ZFR2: variants seen among roughly 807,000 people sequenced by gnomAD.
ZFR2 encodes the protein zinc finger RNA-binding protein 2.
A neutral mutation model predicts 105.7 loss-of-function variants in ZFR2; 104 were observed. The observed-to-expected ratio is 0.98, with a 90% CI of 0.84 to 1.16. The LOEUF is 1.16. Ranked by LOEUF, ZFR2 falls within the 50% of genes most tolerant of loss-of-function variation. The pLI is 0.00. For missense variants in ZFR2, 1,425 were observed against 1,355.5 expected, an observed-to-expected ratio of 1.05 and a Z score of -0.80; for synonymous variants, 634 against 597.7, an observed-to-expected ratio of 1.06 and a Z score of -0.89.
At position 3,838,673 on chromosome 19, in the gene ZFR2, C is replaced by T. The variant is rs2038104379; in HGVS notation, c.54-3690G>A. Among the ~76,000 whole-genome samples, 1 of 152,210 alleles carries T rather than the reference C, an allele frequency of 6.6e-6. No homozygotes were observed. Among genetic ancestry groups the T allele is most frequent in the African/African-American group, 2.4e-5 (1 of 41,460 alleles). ...ATCCCCCCGTGTCTATGGCTCCCGT[C>T]CCCGCTGCCTGCAAGTGGCTGCTCA... On this transcript the variant is annotated intron_variant, in intron 1 of 18. Transcript: ENST00000262961. The surrounding 1 kb of genome is among the most constrained non-coding windows in gnomAD (Gnocchi z 4.9).
chr19:3,824,599 G>T (rs2037928898), intron 7 of ZFR2, among the ~76,000 whole-genome samples: 1 of 152,174 alleles, frequency 6.6e-6, no homozygotes, highest in African/African-American at 2.4e-5. Flanking sequence ...TAGGTGCAGG[G>T]TGAGGGCTTC....
chr19:3,817,430 G>A (rs2037837052), intron 12 of ZFR2, among the ~76,000 whole-genome samples: 1 of 151,786 alleles, frequency 6.6e-6, no homozygotes, highest in African/African-American at 2.4e-5. Flanking sequence ...ATGGTGGCGG[G>A]TGCCTGTAAT....
chr19:3,868,625 G>A (rs2038462142), intron 1 of ZFR2, among the ~76,000 whole-genome samples: 1 of 149,124 alleles, frequency 6.7e-6, no homozygotes, highest in Non-Finnish European at 1.5e-5. Flanking sequence ...CCTCCTCGTG[G>A]CGCCCCCATC....
rs1363053262 is a variant in ZFR2 at position 3,834,557 on chromosome 19, A to T, written c.264+216T>A. On this transcript the variant is annotated intron_variant, in intron 2 of 18. Coordinates refer to ENST00000262961, the MANE Select transcript of ZFR2 (RefSeq NM_015174.2). The surrounding 1 kb of genome is among the most constrained non-coding windows in gnomAD (Gnocchi z 5.3). Reference sequence around the variant, plus strand: ...CCACTGCCCCGACGTGGAGGTACGCATGCGGCCTGTCCCCGAGAGCAGTGG... The same window carrying T: ...CCACTGCCCCGACGTGGAGGTACGCTTGCGGCCTGTCCCCGAGAGCAGTGG... Among the ~76,000 whole-genome samples the T allele has an allele frequency of 6.6e-6, 1 of 152,086 alleles. No individual in the cohort carries two copies. Among genetic ancestry groups the T allele is most frequent in the Non-Finnish European group, 1.5e-5 (1 of 67,976 alleles).
Position 3,819,065 on chromosome 19 carries a change from C to A in ZFR2, c.1911G>T (p.Glu637Asp). The change falls in exon 12 of 19, where the codon GAG (glutamate) becomes GAT (aspartate). Residue 637 changes from glutamate to aspartate, a missense_variant. Transcript: ENST00000262961. The stretch of plus-strand genomic sequence containing the variant: ...ATGACCTGCGCTTGTCACCCTCTTC[C>A]TCTCGGCGGCCCCGGTCCTCCTCGG... ...TLAEEDRGRR[E>D]EEGDKRSSVA... 1 of 1,612,530 alleles carries A rather than the reference C, an allele frequency of 6.2e-7. No individual in the cohort carries two copies. Among genetic ancestry groups the A allele is most frequent in the Non-Finnish European group, 8.5e-7 (1 of 1,179,710 alleles).
intron 3 of ZFR2, among the ~76,000 whole-genome samples, 192 bp from the exon 4 acceptor site, chr19:3,832,070 G>A (rs2038023049): frequency 1.3e-5 from 2 of 152,094 alleles, no homozygotes. Context: ...CCAGAGCCCG[G>A]CTTCTCTCTC....
In ZFR2 at chr19:3,838,224, C is replaced by T. The variant is rs566805279; in HGVS notation, c.54-3241G>A. 2.6e-5 allele frequency among the ~76,000 whole-genome samples: 4 copies of T among 152,272 alleles called. No individual in the cohort carries two copies. Among genetic ancestry groups the T allele is most frequent in the Non-Finnish European group, 4.4e-5 (3 of 68,022 alleles). ...TCCCGACAATACATTCGATGAACAC[C>T]GTGACTACTGACATTTGATGAACAC... On this transcript the variant is annotated intron_variant, in intron 1 of 18. Transcript: ENST00000262961. The surrounding 1 kb of genome is among the most constrained non-coding windows in gnomAD (Gnocchi z 4.9).
At chr19:3,868,889 G>T (rs2038466559) in intron 1 of ZFR2, 76 bp downstream of exon 1, 3 of 1,152,810 alleles carry the variant, frequency 2.6e-6, no homozygotes, top group Non-Finnish European at 3.3e-6. Flanking sequence ...GCACGCGGCG[G>T]GAGAAGGGGT....
intron 13 of ZFR2, among the ~76,000 whole-genome samples, chr19:3,815,086 TTTTC>T (rs148964951): frequency 0.024 from 3,620 of 152,076 alleles, 138 homozygotes; most frequent in African/African-American, 0.083. Flanking sequence ...GATTTTTCAT[TTTTC>T]TTTCTTTCTT....
rs2037914290 is a variant in ZFR2 at position 3,823,245 on chromosome 19, C to T, written c.1371+1G>A. 3 of 1,613,832 alleles carry T rather than the reference C, an allele frequency of 1.9e-6. No homozygotes were observed. In the African/African-American group the frequency reaches 4.0e-5, roughly 22 times the overall value. The stretch of plus-strand genomic sequence containing the variant: ...ACCAGGACTTGACAGCCTCGACTTA[C>T]CTCCTCCACATATTCCGGGCCCACC... On this transcript the variant is annotated splice_donor_variant, in intron 8 of 18. Transcript: ENST00000262961. LOFTEE classifies it high-confidence loss of function. The surrounding 1 kb of genome is among the most constrained non-coding windows in gnomAD (Gnocchi z 5.4).
At chr19:3,857,927 C>G (rs1374094422) in intron 1 of ZFR2, among the ~76,000 whole-genome samples, 4 of 152,120 alleles carry the variant, frequency 2.6e-5, no homozygotes, top group Non-Finnish European at 5.9e-5. Context: ...GGAGCCCAGG[C>G]TAACATGGAC....
At chr19:3,845,115 G>A (rs1006244434) in intron 1 of ZFR2, among the ~76,000 whole-genome samples, 2 of 152,184 alleles carry the variant, frequency 1.3e-5, no homozygotes, top group African/African-American at 2.4e-5. Context: ...GTGTCCTCAC[G>A]TGGTTGTCCC....
chr19:3,834,010 C>T lies in ZFR2; in HGVS notation c.265-232G>A, dbSNP rs1054398106. On this transcript the variant is annotated intron_variant, in intron 2 of 18. Transcript: ENST00000262961. This position sits in a 1 kb window ranked among gnomAD's most constrained non-coding sequence, Gnocchi z 5.3. ...GCTGTCATGGAGCCGACACTAATTTCCAAGAGTTCGACTGCAATTTACAAG... is the reference window on the plus strand; with the variant it reads ...GCTGTCATGGAGCCGACACTAATTTTCAAGAGTTCGACTGCAATTTACAAG... 2.6e-5 allele frequency among the ~76,000 whole-genome samples: 4 copies of T among 152,164 alleles called. No individual in the cohort carries two copies. Among genetic ancestry groups the T allele is most frequent in the Non-Finnish European group, 1.5e-5 (1 of 68,028 alleles).
Position 3,834,525 on chromosome 19 carries a change from A to G in ZFR2, c.264+248T>C, listed in dbSNP as rs1317347927. On this transcript the variant is annotated intron_variant, in intron 2 of 18. Coordinates refer to ENST00000262961, the MANE Select transcript of ZFR2 (RefSeq NM_015174.2). The surrounding 1 kb of genome is among the most constrained non-coding windows in gnomAD (Gnocchi z 5.3). ...CTGGGACAAAGCTCTGTGCGCCGTC[A>G]CTGTCCCCACTGCCCCGACGTGGAG... is the stretch of plus-strand genomic sequence containing the variant. Among the ~76,000 whole-genome samples, 1 of 152,138 alleles carries G rather than the reference A, an allele frequency of 6.6e-6. No homozygotes were observed. Among genetic ancestry groups the G allele is most frequent in the Non-Finnish European group, 1.5e-5 (1 of 68,006 alleles).
chr19:3,833,262 A>AAAAG (rs1568425676), intron 3 of ZFR2, among the ~76,000 whole-genome samples: 20 of 130,962 alleles, frequency 1.5e-4, no homozygotes, highest in East Asian at 7.3e-4. Context: ...AAAAAAAAAA[A>AAAAG]AAAAGAAAAG....
At position 3,834,831 on chromosome 19, in the gene ZFR2, G is replaced by C; in HGVS notation, c.206C>G (p.Ala69Gly). The C allele has an allele frequency of 6.2e-7, 1 of 1,612,348 alleles. No individual in the cohort carries two copies. The highest frequency in any genetic ancestry group is 8.5e-7 in the Non-Finnish European group (1 of 1,179,480). Reference protein sequence around the residue: ...GYQPHSGQDFAYGSRPQEPVP... With the variant: ...GYQPHSGQDFGYGSRPQEPVP... ...GGGCTCCTGGGGTCGGCTGCCGTAG[G>C]CGAAGTCCTGGCCGGAGTGGGGCTG... The change falls in exon 2 of 19, where the codon GCC becomes GGC. Residue 69 changes from alanine (A) to glycine (G), a missense_variant. Coordinates refer to ENST00000262961, the MANE Select transcript of ZFR2 (RefSeq NM_015174.2). The surrounding 1 kb of genome is among the most constrained non-coding windows in gnomAD (Gnocchi z 5.3).
chr19:3,865,966 C>T (rs777121721), intron 1 of ZFR2, among the ~76,000 whole-genome samples: 8 of 152,082 alleles, frequency 5.3e-5, no homozygotes, highest in Non-Finnish European at 7.4e-5. Context: ...CTCAGCCTCC[C>T]GAGTAACTGG....
intron 16 of ZFR2, among the ~76,000 whole-genome samples, chr19:3,809,444 C>A (rs1041136551): frequency 6.6e-6 from 1 of 152,192 alleles, no homozygotes; most frequent in Non-Finnish European, 1.5e-5. Flanking sequence ...CCACGTCCCC[C>A]CTGTGGCCAG....
At chr19:3,809,207 C>G (rs1443283632) in intron 16 of ZFR2, among the ~76,000 whole-genome samples, 4 of 152,200 alleles carry the variant, frequency 2.6e-5, no homozygotes, top group Non-Finnish European at 5.9e-5. Flanking sequence ...GAGTCTCGCT[C>G]TATTGCCCAG....
Sources: gnomAD v4.1 joint callset for allele counts (sites outside exome capture counted in the v4.1 genomes callset) on GRCh38, gnomAD v4.1.1 for gene constraint, Gnocchi (gnomAD v3.1) non-coding constraint, MANE v1.5 for transcripts, NCBI Gene and HGNC (gene_info 2026-07-23, HGNC 2026-07-21) for gene names.